The following GRM7 variants were observed in gnomAD, a reference collection of about 807,000 sequenced individuals.
GRM7 encodes the protein metabotropic glutamate receptor 7.
GRM7 carries 35 observed loss-of-function variants against 84.5 expected under a neutral mutation model. The ratio of observed to expected loss-of-function variants is 0.41; its 90% confidence interval spans 0.32 to 0.55. The LOEUF is 0.55. Ranked by LOEUF, GRM7 falls within the 20% of genes least tolerant of loss-of-function variation. The pLI is 0.19. For missense variants in GRM7, 1,003 were observed against 1,194.6 expected (o/e 0.84, Z 2.36); for synonymous variants, 487 against 455.1 (o/e 1.07, Z -0.89).
At chr3:6,892,446 A>G (rs905978625) in intron 1 of GRM7, among the ~76,000 whole-genome samples, 2 of 152,168 alleles carry the variant, frequency 1.3e-5, no homozygotes, top group Admixed American at 6.6e-5. Flanking sequence ...AACTTAATCA[A>G]TAACCTTTCA....
chr3:6,935,530 A>G (rs1697657629), intron 1 of GRM7, among the ~76,000 whole-genome samples: 1 of 151,690 alleles, frequency 6.6e-6, no homozygotes, highest in Non-Finnish European at 1.5e-5. Context: ...GTCTAAATTC[A>G]CCCTTTTTAC....
Position 6,996,198 on chromosome 3 carries a change from G to A in GRM7, c.519+134291G>A, listed in dbSNP as rs992385258. On this transcript the variant is annotated intron_variant, in intron 1 of 9. Transcript: ENST00000357716. ...CAAGTAGCTGGGACTACAGGCGCCC[G>A]CCACCAAGCCTGGCTCAATTTTTGT... 8.5e-5 allele frequency among the ~76,000 whole-genome samples: 13 copies of A among 152,086 alleles called. No homozygotes were observed. In the South Asian group the frequency reaches 1.3e-3, roughly 15 times the overall value.
At chr3:7,342,373 A>G (rs925762537) in intron 4 of GRM7, among the ~76,000 whole-genome samples, 1 of 152,186 alleles carries the variant, frequency 6.6e-6, no homozygotes, top group South Asian at 2.1e-4. Context: ...GAAGGCATGC[A>G]GTCTGCACAC....
At chr3:7,568,567 C>T (rs561632558) in intron 7 of GRM7, among the ~76,000 whole-genome samples, 134 of 152,330 alleles carry the variant, frequency 8.8e-4, no homozygotes, top group African/African-American at 2.5e-3. Flanking sequence ...AGGCCGGAGC[C>T]GGCTCCCTTA....
intron 9 of GRM7, among the ~76,000 whole-genome samples, chr3:7,707,930 A>AT (rs34344224): frequency 0.043 from 5,326 of 123,614 alleles, 137 homozygotes; most frequent in Middle Eastern, 0.069. Context: ...GAAGCTTTCA[A>AT]TTTTTTTTTT....
intron 8 of GRM7, among the ~76,000 whole-genome samples, chr3:7,643,482 T>C (rs186352141): frequency 1.7e-3 from 253 of 152,168 alleles, no homozygotes; most frequent in Non-Finnish European, 4.6e-4. Context: ...AAATCCAGAG[T>C]TTTACATAAA....
chr3:7,614,264 CTAAATAAATAAA>C (rs539993841), intron 8 of GRM7, among the ~76,000 whole-genome samples: 1 of 151,980 alleles, frequency 6.6e-6, no homozygotes, highest in Non-Finnish European at 1.5e-5. Flanking sequence ...GACTCTGTCT[CTAAATAAATAAA>C]TAAATAAATT....
chr3:7,251,352 C>T (rs756358837), intron 2 of GRM7, among the ~76,000 whole-genome samples: 10 of 151,410 alleles, frequency 6.6e-5, no homozygotes, highest in East Asian at 1.9e-4. Flanking sequence ...AGTTATTCTC[C>T]GAAGTGACTA....
intron 1 of GRM7, among the ~76,000 whole-genome samples, chr3:6,938,512 C>T (rs970795395): frequency 6.6e-6 from 1 of 152,116 alleles, no homozygotes; most frequent in Non-Finnish European, 1.5e-5. Context: ...GCACCATTAA[C>T]GTGCAAAAGT....
At chr3:7,483,933 A>G (rs914847810) in intron 7 of GRM7, among the ~76,000 whole-genome samples, 2 of 152,176 alleles carry the variant, frequency 1.3e-5, no homozygotes, top group African/African-American at 4.8e-5. Flanking sequence ...AAAAGAAAAA[A>G]GTGTGCTTAA....
chr3:7,328,380 C>A (rs1424166225), intron 4 of GRM7, among the ~76,000 whole-genome samples: 1 of 152,188 alleles, frequency 6.6e-6, no homozygotes, highest in African/African-American at 2.4e-5. Context: ...CCAACCGATT[C>A]TTCACTGCTA....
chr3:7,076,222 G>C (rs1698071171), intron 1 of GRM7, among the ~76,000 whole-genome samples: 6 of 152,042 alleles, frequency 3.9e-5, no homozygotes, highest in Non-Finnish European at 8.8e-5. Flanking sequence ...ACAGACTAAT[G>C]TAAAGTTAAA....
chr3:7,298,044 TA>T (rs1699871134), intron 2 of GRM7, among the ~76,000 whole-genome samples: 1 of 152,176 alleles, frequency 6.6e-6, no homozygotes, highest in South Asian at 2.1e-4. Flanking sequence ...AAATGAGCAA[TA>T]CGAAATACTT....
At chr3:7,297,987 A>G (rs1262451648) in intron 2 of GRM7, among the ~76,000 whole-genome samples, 2 of 152,202 alleles carry the variant, frequency 1.3e-5, no homozygotes, top group African/African-American at 4.8e-5. Flanking sequence ...ACTGGCTCTG[A>G]CAAGTTTGGA....
At chr3:7,197,895 C>T (rs963120774) in intron 2 of GRM7, among the ~76,000 whole-genome samples, 1 of 151,958 alleles carries the variant, frequency 6.6e-6, no homozygotes, top group Non-Finnish European at 1.5e-5. Flanking sequence ...TTTCTTCATT[C>T]CAGGGCCCCA....
At chr3:7,465,026 C>T (rs574462084) in intron 7 of GRM7, among the ~76,000 whole-genome samples, 1 of 152,274 alleles carries the variant, frequency 6.6e-6, no homozygotes, top group East Asian at 1.9e-4. Flanking sequence ...TCCATTCCGT[C>T]TACTCCAAAT....
chr3:7,262,885 A>T (rs1157384437), intron 2 of GRM7, among the ~76,000 whole-genome samples: 1 of 151,976 alleles, frequency 6.6e-6, no homozygotes, highest in Non-Finnish European at 1.5e-5. Context: ...TATAGTAGAG[A>T]TGGGATTTCA....
At chr3:7,718,237 C>G (rs776783076) in intron 9 of GRM7, among the ~76,000 whole-genome samples, 1 of 152,206 alleles carries the variant, frequency 6.6e-6, no homozygotes, top group Non-Finnish European at 1.5e-5. Context: ...TAAATGTTAA[C>G]CATCACTATT....
intron 1 of GRM7, among the ~76,000 whole-genome samples, chr3:6,932,807 T>C (rs1207062869): frequency 2.1e-5 from 3 of 142,438 alleles, no homozygotes; most frequent in Non-Finnish European, 4.5e-5. Flanking sequence ...CAGGCTGGAG[T>C]GCAATGGCGC....
Sources: gnomAD v4.1 joint callset for allele counts (sites outside exome capture counted in the v4.1 genomes callset) on GRCh38, gnomAD v4.1.1 for gene constraint, MANE v1.5 for transcripts, NCBI Gene and HGNC (gene_info 2026-07-23, HGNC 2026-07-21) for gene names.